EYA4: variants seen among roughly 807,000 people sequenced by gnomAD.
EYA4 encodes the protein protein phosphatase EYA4.
Under a neutral mutation model 87.9 loss-of-function variants are expected in EYA4, and 31 were observed. The ratio of observed to expected loss-of-function variants is 0.35; its 90% CI spans 0.27 to 0.48. The LOEUF is 0.48. EYA4 is among the 20% of genes least tolerant of loss of function. The pLI is 0.99. For synonymous variants in EYA4, 263 were observed against 270.6 expected (o/e 0.97, Z 0.28); for missense variants, 678 against 761.4 (o/e 0.89, Z 1.29).
At position 133,376,065 on chromosome 6, in the gene EYA4, C is replaced by T. The variant is rs572631766; in HGVS notation, c.34-6327C>T. On this transcript the variant is annotated intron_variant, in intron 2 of 19. Transcript: ENST00000355286. ...AGAGTATTCACATTAGAAATGCCAA[C>T]AAAGCCGACAAGTCTAAATTGTTGT... 7.9e-5 allele frequency among the ~76,000 whole-genome samples: 12 copies of T among 151,920 alleles called. No homozygotes were observed. The South Asian group carries it at 2.5e-3, about 31-fold the overall frequency.
chr6:133,513,355 A>C (rs939515329), intron 16 of EYA4, among the ~76,000 whole-genome samples: 147 of 152,264 alleles, frequency 9.7e-4, no homozygotes, highest in Non-Finnish European at 1.7e-3. Flanking sequence ...AGACAGAGGA[A>C]CTAACCGAGG....
chr6:133,498,430 C>T (rs1410944530), intron 13 of EYA4, among the ~76,000 whole-genome samples: 2 of 152,076 alleles, frequency 1.3e-5, no homozygotes, highest in African/African-American at 4.8e-5. Context: ...TTAAAACTCA[C>T]CACAGAATAA....
At chr6:133,320,688 C>G (rs184091729) in intron 2 of EYA4, among the ~76,000 whole-genome samples, 1 of 152,266 alleles carries the variant, frequency 6.6e-6, no homozygotes, top group Admixed American at 6.5e-5. Context: ...TAACCCTCCC[C>G]TCTTTTTGGA....
At chr6:133,258,937 G>T (rs1775569675) in intron 1 of EYA4, among the ~76,000 whole-genome samples, 1 of 152,112 alleles carries the variant, frequency 6.6e-6, no homozygotes, top group East Asian at 1.9e-4. Flanking sequence ...CATTCTTGCT[G>T]CTTTGAAGAT....
chr6:133,326,315 A>C (rs1781494171), intron 2 of EYA4, among the ~76,000 whole-genome samples: 1 of 152,210 alleles, frequency 6.6e-6, no homozygotes, highest in African/African-American at 2.4e-5. Flanking sequence ...CCCAAAACTG[A>C]AATGCTCCAA....
At position 133,294,062 on chromosome 6, in the gene EYA4, T is replaced by TATATATATAA. The variant is rs71003632; in HGVS notation, c.33+19250_33+19251insTATATATAAA. 4.2e-4 allele frequency among the ~76,000 whole-genome samples: 44 copies of TATATATATAA among 105,152 alleles called. 1 individual carries two copies. Among genetic ancestry groups the TATATATATAA allele is most frequent in the African/African-American group, 1.4e-3 (40 of 29,382 alleles). 69.0% of individuals were successfully genotyped at this position (105,152 alleles called of 152,430 possible). A position where few individuals can be genotyped will look rare whatever the true frequency, so the allele number is the denominator to read the frequency against. On this transcript the variant is annotated intron_variant, in intron 2 of 19. Transcript: ENST00000355286. The stretch of plus-strand genomic sequence containing the variant: ...ATATATATATATATATATATATATA[T>TATATATATAA]AATTCTATTCTATATATAACATTCT...
intron 3 of EYA4, among the ~76,000 whole-genome samples, chr6:133,413,260 A>G (rs935587596): frequency 4.6e-5 from 7 of 152,162 alleles, no homozygotes; most frequent in African/African-American, 1.7e-4. Flanking sequence ...ACTATGTTTC[A>G]TCTTGCCTTC....
At chr6:133,429,416 A>C (rs1790981441) in intron 3 of EYA4, among the ~76,000 whole-genome samples, 1 of 152,172 alleles carries the variant, frequency 6.6e-6, no homozygotes, top group Admixed American at 6.5e-5. Flanking sequence ...TCATATACCA[A>C]ATGGGTCAAG....
chr6:133,468,931 G>A (rs1442935065), intron 11 of EYA4, among the ~76,000 whole-genome samples, 200 bp downstream of exon 11: 4 of 152,030 alleles, frequency 2.6e-5, no homozygotes, highest in Non-Finnish European at 4.4e-5. Context: ...ACAGATAGGC[G>A]ATTTTAATCT....
chr6:133,304,660 G>T (rs2128319922), intron 2 of EYA4, among the ~76,000 whole-genome samples: 1 of 152,194 alleles, frequency 6.6e-6, no homozygotes, highest in African/African-American at 2.4e-5. Context: ...TGGTCAAGTG[G>T]CCATTGTAGA....
intron 2 of EYA4, among the ~76,000 whole-genome samples, chr6:133,349,428 C>T (rs927294579): frequency 1.1e-4 from 16 of 152,168 alleles, no homozygotes; most frequent in African/African-American, 3.9e-4. Flanking sequence ...CCACCTAGGA[C>T]AGTCCTTGAC....
At chr6:133,287,081 C>T (rs976397150) in intron 2 of EYA4, among the ~76,000 whole-genome samples, 2 of 152,104 alleles carry the variant, frequency 1.3e-5, no homozygotes, top group African/African-American at 4.8e-5. Context: ...CATCTGTTTC[C>T]AATGAGTGTT....
At chr6:133,524,131 A>G (rs932898845) in intron 18 of EYA4, among the ~76,000 whole-genome samples, 1 of 152,156 alleles carries the variant, frequency 6.6e-6, no homozygotes, top group African/African-American at 2.4e-5. Context: ...TATCAATACC[A>G]TACATTTTTA....
intron 3 of EYA4, among the ~76,000 whole-genome samples, chr6:133,409,998 G>A (rs1789067213): frequency 1.3e-5 from 2 of 152,020 alleles, no homozygotes; most frequent in South Asian, 2.1e-4. Context: ...CATTTAAGTG[G>A]ATATTTAAAA....
At chr6:133,399,171 A>G (rs1024480355) in intron 3 of EYA4, among the ~76,000 whole-genome samples, 3 of 152,204 alleles carry the variant, frequency 2.0e-5, no homozygotes, top group East Asian at 1.9e-4. Flanking sequence ...GGCATAATTT[A>G]TACATACATA....
intron 10 of EYA4, among the ~76,000 whole-genome samples, chr6:133,467,018 C>T (rs1190078632): frequency 2.0e-5 from 3 of 151,690 alleles, no homozygotes; most frequent in Non-Finnish European, 4.4e-5. Context: ...GAAATGGAAA[C>T]GAGGAGATAA....
chr6:133,270,437 G>T (rs1450104135), intron 1 of EYA4, among the ~76,000 whole-genome samples: 1 of 152,034 alleles, frequency 6.6e-6, no homozygotes, highest in Admixed American at 6.6e-5. Flanking sequence ...TAAAGGAAAA[G>T]GAAATAAAGG....
intron 3 of EYA4, among the ~76,000 whole-genome samples, chr6:133,426,472 T>A (rs530926673): frequency 2.6e-5 from 4 of 152,240 alleles, no homozygotes; most frequent in Non-Finnish European, 5.9e-5. Flanking sequence ...TTAACTTTCT[T>A]CCTGAATTGT....
chr6:133,528,884 C>T lies in EYA4; in HGVS notation c.*79C>T. 18 of 1,608,466 alleles carry T rather than the reference C, an allele frequency of 1.1e-5. No homozygotes were observed. Among genetic ancestry groups the T allele is most frequent in the Non-Finnish European group, 1.5e-5 (18 of 1,176,590 alleles). On this transcript the variant is annotated 3_prime_UTR_variant, in exon 20 of 20. Transcript: ENST00000355286. ...TATGTGTGATTCAATGCCTCTGGCT[C>T]TACACATATAAATTGTCTTAATGGA...
Sources: allele counts gnomAD v4.1 joint callset (sites outside exome capture counted in the v4.1 genomes callset), GRCh38; gene constraint gnomAD v4.1.1; transcripts MANE v1.5; gene names NCBI Gene and HGNC (gene_info 2026-07-23, HGNC 2026-07-21).